The following FOXK2 variants were observed in gnomAD, a reference collection of about 807,000 sequenced individuals.
The protein encoded by FOXK2 is forkhead box K2.
A neutral mutation model predicts 53.3 loss-of-function variants in FOXK2; 24 were observed. That is an observed-to-expected ratio of 0.45 (90% CI 0.33 to 0.63). The LOEUF is 0.63. FOXK2 is among the 30% of genes least tolerant of loss of function. The pLI, the probability that FOXK2 is intolerant of heterozygous loss-of-function variation, is 0.03. For missense variants in FOXK2, 952 were observed against 910.5 expected, an observed-to-expected ratio of 1.05 and a Z score of -0.59; for synonymous variants, 505 against 407.1, an observed-to-expected ratio of 1.24 and a Z score of -2.89.
intron 1 of FOXK2, among the ~76,000 whole-genome samples, chr17:82,543,257 G>T (rs926668434): frequency 1.3e-5 from 2 of 152,196 alleles, no homozygotes; most frequent in South Asian, 4.1e-4. Context: ...TTATTGTGTT[G>T]TGTTGTTTTA....
chr17:82,583,997 C>T lies in FOXK2; in HGVS notation c.1104-16C>T, dbSNP rs1163257672. ...GTCAGCTGTAACCATGCAATGTCTTCTTCTCGGTGACACAGGAGTGCCCCA... is the reference window on the plus strand; with the variant it reads ...GTCAGCTGTAACCATGCAATGTCTTTTTCTCGGTGACACAGGAGTGCCCCA... On this transcript the variant is annotated splice_polypyrimidine_tract_variant and intron_variant, in intron 5 of 8. Coordinates refer to ENST00000335255, the MANE Select transcript of FOXK2 (RefSeq NM_004514.4). The T allele has an allele frequency of 1.0e-5, 16 of 1,573,162 alleles. No homozygotes were observed. Among genetic ancestry groups the T allele is most frequent in the African/African-American group, 1.4e-5 (1 of 73,678 alleles).
chr17:82,560,966 G>C (rs936968427), intron 1 of FOXK2, among the ~76,000 whole-genome samples: 1 of 152,122 alleles, frequency 6.6e-6, no homozygotes, highest in African/African-American at 2.4e-5. Context: ...GGCCAGGCTA[G>C]TCTCAAATTC....
chr17:82,526,491 C>T (rs1448024787), intron 1 of FOXK2, among the ~76,000 whole-genome samples: 4 of 151,978 alleles, frequency 2.6e-5, no homozygotes, highest in African/African-American at 9.7e-5. Flanking sequence ...TTAGGAGGAG[C>T]GGAAACCTCA....
chr17:82,600,616 A>G (rs1386081210), intron 8 of FOXK2: 1 of 152,310 alleles, frequency 6.6e-6, no homozygotes, highest in African/African-American at 2.4e-5. Flanking sequence ...CCAGGCTGGC[A>G]CATAACATTA....
At chr17:82,568,435 G>T (rs1231417797) in intron 3 of FOXK2, among the ~76,000 whole-genome samples, 1 of 152,232 alleles carries the variant, frequency 6.6e-6, no homozygotes, top group Non-Finnish European at 1.5e-5. Flanking sequence ...ATAGCTGTAG[G>T]CCCAGGTGCT....
chr17:82,571,987 T>C, intron 4 of FOXK2, 117 bp downstream of exon 4: 1 of 1,007,814 alleles, frequency 9.9e-7, no homozygotes, highest in South Asian at 2.1e-5. Context: ...GGTTGGAGCC[T>C]CCCGTGCTGA....
chr17:82,599,161 G>A (rs530318128), intron 8 of FOXK2: 18 of 147,220 alleles, frequency 1.2e-4, no homozygotes, highest in Admixed American at 6.9e-4. Context: ...GCAATGGCAC[G>A]ATCTCAGTTC....
chr17:82,584,174 C>T lies in FOXK2; in HGVS notation c.1265C>T (p.Ala422Val), dbSNP rs2045103169. ...KLAVIQEARF[A>V]QSAPGSPLSS... ...GCTGTCATCCAGGAAGCCCGGTTTG[C>T]CCAGAGCGCCCCAGGTGAGACAGCG... The change falls in exon 6 of 9, where the codon GCC becomes GTC. Residue 422 changes from alanine to valine, a missense_variant. Physicochemically the swap from Ala to Val is moderately conservative, Grantham distance 64. Transcript: ENST00000335255. 1.2e-6 allele frequency: 2 copies of T among 1,601,278 alleles called. No homozygotes were observed. The highest frequency in any genetic ancestry group is 2.2e-5 in the South Asian group (2 of 90,224).
In FOXK2 at chr17:82,571,973, G is replaced by T. The variant is rs577053543; in HGVS notation, c.909+103G>T. 2.6e-5 allele frequency: 32 copies of T among 1,227,374 alleles called. No individual in the cohort carries two copies. The Admixed American group carries it at 4.0e-4, about 15-fold the overall frequency. The allele number at this position is 1,227,374 out of a possible 1,614,324, so 76.0% of individuals were successfully genotyped here. A position where few individuals can be genotyped will look rare whatever the true frequency, so the allele number is the denominator to read the frequency against. Reference sequence around the variant, plus strand: ...CAGGCACAGGATAGGAAGGTAGAAGGGGGGGTTGGAGCCTCCCGTGCTGAG... The same window carrying T: ...CAGGCACAGGATAGGAAGGTAGAAGTGGGGGTTGGAGCCTCCCGTGCTGAG... On this transcript the variant is annotated intron_variant, in intron 4 of 8. Transcript: ENST00000335255.
At chr17:82,593,046 G>A (rs535136470) in intron 8 of FOXK2, among the ~76,000 whole-genome samples, 2 of 146,168 alleles carry the variant, frequency 1.4e-5, no homozygotes, top group South Asian at 4.4e-4. Flanking sequence ...AGGTCTTCCT[G>A]TACCGGGCAC....
chr17:82,575,920 G>A (rs1166729733), intron 4 of FOXK2, among the ~76,000 whole-genome samples: 1 of 150,546 alleles, frequency 6.6e-6, no homozygotes, highest in Non-Finnish European at 1.5e-5. Context: ...ACCAGCGTGT[G>A]TGCTTGGGTG....
At chr17:82,599,534 C>G (rs1484090591) in intron 8 of FOXK2, 3 of 152,308 alleles carry the variant, frequency 2.0e-5, no homozygotes, top group Non-Finnish European at 4.4e-5. Context: ...AGGGAACACA[C>G]CTCTGTGGCC....
At chr17:82,559,537 T>C (rs1478889124) in intron 1 of FOXK2, 5 of 455,432 alleles carry the variant, frequency 1.1e-5, no homozygotes, top group African/African-American at 2.0e-5. Flanking sequence ...GGCTGCTCAT[T>C]AGCAGTGAGG....
chr17:82,585,940 T>C lies in FOXK2; in HGVS notation c.1316T>C (p.Val439Ala). The C allele has an allele frequency of 6.2e-7, 1 of 1,612,638 alleles. No homozygotes were observed. Among genetic ancestry groups the C allele is most frequent in the Non-Finnish European group, 8.5e-7 (1 of 1,179,822 alleles). ...TCCAGTCAGCCAGTCTTAATCACCG[T>C]CCAGCGGCAGCTACCACAGGCCATC... is the stretch of plus-strand genomic sequence containing the variant. ...PLSSQPVLIT[V>A]QRQLPQAIKP... Residue 439 changes from valine (V) to alanine (A), a missense_variant, in exon 7 of 9, where the codon GTC (valine) becomes GCC (alanine). Transcript: ENST00000335255.
chr17:82,586,791 C>T (rs939347257), intron 7 of FOXK2, among the ~76,000 whole-genome samples: 19 of 152,056 alleles, frequency 1.2e-4, no homozygotes, highest in Admixed American at 8.5e-4. Flanking sequence ...ATCCCAGCTA[C>T]TCGGGAGGCT....
intron 1 of FOXK2, among the ~76,000 whole-genome samples, chr17:82,553,289 G>A (rs1214245282): frequency 6.6e-6 from 1 of 152,222 alleles, no homozygotes; most frequent in Non-Finnish European, 1.5e-5. Context: ...CATTTTTTCT[G>A]AGTCGCCTGA....
chr17:82,573,560 TCTCACACACACACACACACACACACA>T (rs1313537764), intron 4 of FOXK2, among the ~76,000 whole-genome samples: 2 of 101,886 alleles, frequency 2.0e-5, no homozygotes, highest in East Asian at 9.3e-4. Flanking sequence ...TCTCTCTCTC[TCTCACACACACACACACACACACACA>T]CACACACACA....
In FOXK2 at chr17:82,601,324, T is replaced by C. The variant is rs1200661320; in HGVS notation, c.1808T>C (p.Met603Thr). ...VNNAAASPLH[M>T]LATHASASAS... ...TCAGCCGCGGCGAGTCCTTTGCACA[T>C]GTTGGCAACACACGCATCCGCATCG... The change falls in exon 9 of 9, where the codon ATG becomes ACG. Residue 603 changes from methionine to threonine, a missense_variant. Met to Thr is a moderately conservative substitution (Grantham distance 81). Coordinates refer to ENST00000335255, the MANE Select transcript of FOXK2 (RefSeq NM_004514.4). 1.4e-5 allele frequency: 22 copies of C among 1,612,882 alleles called. No homozygotes were observed. In the Middle Eastern group the frequency reaches 1.4e-3, roughly 100 times the overall value.
chr17:82,520,134 C>T lies in FOXK2; in HGVS notation c.246C>T (p.Ile82=), dbSNP rs1427001484. 5 of 1,532,338 alleles carry T rather than the reference C, an allele frequency of 3.3e-6. No individual in the cohort carries two copies. Among genetic ancestry groups the T allele is most frequent in the Non-Finnish European group, 4.4e-6 (5 of 1,140,404 alleles). The allele number at this position is 1,532,338 out of a possible 1,614,324, so 94.9% of individuals were successfully genotyped here. A position where few individuals can be genotyped will look rare whatever the true frequency, so the allele number is the denominator to read the frequency against. Residue 82 remains isoleucine, a synonymous_variant, in exon 1 of 9, where the codon ATC becomes ATT. Coordinates refer to ENST00000335255, the MANE Select transcript of FOXK2 (RefSeq NM_004514.4). The part of the protein sequence containing the change: ...SSFISRRHLE[I]FTPPGGGGHG... ...TCATCTCCCGGCGCCACCTCGAGAT[C>T]TTCACGCCCCCGGGCGGCGGCGGCC...
Sources: gnomAD v4.1 joint callset for allele counts (sites outside exome capture counted in the v4.1 genomes callset) on GRCh38, gnomAD v4.1.1 for gene constraint, MANE v1.5 for transcripts, NCBI Gene and HGNC (gene_info 2026-07-23, HGNC 2026-07-21) for gene names.